The following UBE2E2 variants were observed in gnomAD, a reference collection of about 807,000 sequenced individuals.
The protein encoded by UBE2E2 is ubiquitin conjugating enzyme E2 E2.
UBE2E2 carries 6 observed loss-of-function variants against 24.7 expected under a neutral mutation model. That is an observed-to-expected ratio of 0.24 (90% CI 0.13 to 0.48). The LOEUF (loss-of-function observed/expected upper bound fraction) is 0.48, where lower values mean the gene tolerates loss of function less well. UBE2E2 is among the 20% of genes least tolerant of loss of function. UBE2E2 has a pLI of 0.99. For missense variants in UBE2E2, 169 were observed against 245.0 expected (o/e 0.69, Z 2.07); for synonymous variants, 104 against 83.6 (o/e 1.24, Z -1.33).
chr3:23,269,019 G>C (rs1234529561), intron 3 of UBE2E2, among the ~76,000 whole-genome samples: 1 of 151,770 alleles, frequency 6.6e-6, no homozygotes, highest in East Asian at 1.9e-4. Context: ...GCTGAAACTG[G>C]ATCCCTTCCT....
chr3:23,347,391 A>T (rs140198067), intron 3 of UBE2E2, among the ~76,000 whole-genome samples: 41,694 of 152,072 alleles, frequency 0.27, 5,866 homozygotes, highest in East Asian at 0.35. Context: ...GGATGAGTTC[A>T]TGTCCTTTGC....
intron 3 of UBE2E2, among the ~76,000 whole-genome samples, chr3:23,362,021 C>T (rs187509498): frequency 1.3e-5 from 2 of 152,056 alleles, no homozygotes; most frequent in Admixed American, 6.5e-5. Context: ...CATAAAAAAG[C>T]TCCTTAAAAC....
In UBE2E2 at chr3:23,203,460, C is replaced by G. The variant is rs1299691387; in HGVS notation, c.-13C>G. The G allele has an allele frequency of 1.0e-6, 1 of 982,656 alleles. No homozygotes were observed. The highest frequency in any genetic ancestry group is 1.2e-6 in the Non-Finnish European group (1 of 829,066). 60.9% of individuals were successfully genotyped at this position (982,656 alleles called of 1,614,324 possible). ...CTGCGACCTGCACGGACACCCCCCCCTCAGGTATTCGCTCGGGCCGCGCCG... is the reference window on the plus strand; with the variant it reads ...CTGCGACCTGCACGGACACCCCCCCGTCAGGTATTCGCTCGGGCCGCGCCG... On this transcript the variant is annotated 5_prime_UTR_variant, in exon 1 of 6. Coordinates refer to ENST00000396703, the MANE Select transcript of UBE2E2 (RefSeq NM_152653.4).
rs961482853 is a variant in UBE2E2, at chr3:23,218,481, G to A, written c.227+1169G>A. Among the ~76,000 whole-genome samples the A allele has an allele frequency of 5.9e-5, 9 of 151,952 alleles. No individual in the cohort carries two copies. The East Asian group carries it at 1.7e-3, about 29-fold the overall frequency. On this transcript the variant is annotated intron_variant, in intron 3 of 5. Coordinates refer to ENST00000396703, the MANE Select transcript of UBE2E2 (RefSeq NM_152653.4). ...ATGATTATAAGTGGATGGATTTGTG[G>A]AAAAACCCCAGTTTGAATTAAACCT... is the stretch of plus-strand genomic sequence containing the variant.
intron 3 of UBE2E2, among the ~76,000 whole-genome samples, chr3:23,371,644 C>A (rs928673066): frequency 1.3e-5 from 2 of 151,946 alleles, no homozygotes; most frequent in African/African-American, 4.8e-5. Context: ...ACTAAGCCAG[C>A]AATTTTCAAA....
intron 3 of UBE2E2, among the ~76,000 whole-genome samples, chr3:23,267,365 A>T (rs1698078405): frequency 6.6e-6 from 1 of 152,220 alleles, no homozygotes; most frequent in Non-Finnish European, 1.5e-5. Context: ...AAAAATGATA[A>T]AGGGGATGTC....
chr3:23,254,054 G>T (rs542279577), intron 3 of UBE2E2, among the ~76,000 whole-genome samples: 1 of 152,292 alleles, frequency 6.6e-6, no homozygotes, highest in Non-Finnish European at 1.5e-5. Context: ...AAAGAAATGT[G>T]CTATTGACAT....
At chr3:23,488,814 A>G (rs1378390889) in intron 3 of UBE2E2, among the ~76,000 whole-genome samples, 1 of 152,158 alleles carries the variant, frequency 6.6e-6, no homozygotes, top group Non-Finnish European at 1.5e-5. Flanking sequence ...AATTTAAGAA[A>G]TATTCTTTGC....
intron 3 of UBE2E2, among the ~76,000 whole-genome samples, chr3:23,444,064 TG>T (rs1319640938): frequency 2.3e-4 from 33 of 145,218 alleles, no homozygotes; most frequent in African/African-American, 7.4e-4. Context: ...TCACCAGTTT[TG>T]TTTTTTTTTT....
intron 5 of UBE2E2, among the ~76,000 whole-genome samples, chr3:23,585,124 G>A (rs895927216): frequency 3.3e-5 from 5 of 151,952 alleles, no homozygotes; most frequent in Non-Finnish European, 5.9e-5. Context: ...TCCTGTAATC[G>A]CACCACTTTT....
At chr3:23,290,427 A>G (rs76639276) in intron 3 of UBE2E2, among the ~76,000 whole-genome samples, 2,167 of 152,276 alleles carry the variant, frequency 0.014, 52 homozygotes, top group African/African-American at 0.05. Context: ...GATGGGGCCT[A>G]AGATTCTAAC....
At chr3:23,454,010 C>CCT (rs1698622406) in intron 3 of UBE2E2, among the ~76,000 whole-genome samples, 2 of 152,132 alleles carry the variant, frequency 1.3e-5, no homozygotes, top group African/African-American at 4.8e-5. Flanking sequence ...AGGCAGCATT[C>CCT]TGAGATATTT....
At chr3:23,352,202 C>T (rs1321856046) in intron 3 of UBE2E2, among the ~76,000 whole-genome samples, 1 of 151,848 alleles carries the variant, frequency 6.6e-6, no homozygotes, top group African/African-American at 2.4e-5. Context: ...AAAGACACAA[C>T]ATACCAGAAT....
chr3:23,540,905 T>C (rs1383435030), intron 5 of UBE2E2, among the ~76,000 whole-genome samples: 1 of 152,182 alleles, frequency 6.6e-6, no homozygotes, highest in Non-Finnish European at 1.5e-5. Flanking sequence ...AGTTTAAATG[T>C]GAAATCAGGC....
In UBE2E2 at chr3:23,213,319, G is replaced by A. The variant is rs576784270; in HGVS notation, c.177-3943G>A. On this transcript the variant is annotated intron_variant, in intron 2 of 5. Transcript: ENST00000396703. ...CCAATATATTGATGTTAAAATGAGT[G>A]TTTCGTATCTTCTCTGTTCTGTATA... Among the ~76,000 whole-genome samples, 5 of 152,038 alleles carry A rather than the reference G, an allele frequency of 3.3e-5. No homozygotes were observed. In the East Asian group the frequency reaches 9.7e-4, roughly 29 times the overall value.
At chr3:23,221,172 A>G in intron 3 of UBE2E2, among the ~76,000 whole-genome samples, 1 of 152,184 alleles carries the variant, frequency 6.6e-6, no homozygotes, top group Middle Eastern at 3.2e-3. Context: ...TGAACAAGTA[A>G]AAGGAGGAAG....
At chr3:23,258,665 G>C (rs1351444640) in intron 3 of UBE2E2, among the ~76,000 whole-genome samples, 1 of 151,942 alleles carries the variant, frequency 6.6e-6, no homozygotes, top group Non-Finnish European at 1.5e-5. Flanking sequence ...AGGCCGAGGC[G>C]GGCAGATCAC....
intron 5 of UBE2E2, among the ~76,000 whole-genome samples, chr3:23,571,108 T>A (rs1696209378): frequency 6.6e-6 from 1 of 151,810 alleles, no homozygotes; most frequent in Non-Finnish European, 1.5e-5. Flanking sequence ...GTAAACTGAT[T>A]AAGAAGTGAT....
At chr3:23,331,783 C>G (rs1695066005) in intron 3 of UBE2E2, among the ~76,000 whole-genome samples, 1 of 152,026 alleles carries the variant, frequency 6.6e-6, no homozygotes, top group Non-Finnish European at 1.5e-5. Context: ...ATGGTAAAGA[C>G]TTTGGTTTAT....
Sources: allele counts gnomAD v4.1 joint callset (sites outside exome capture counted in the v4.1 genomes callset), GRCh38; gene constraint gnomAD v4.1.1; transcripts MANE v1.5; gene names NCBI Gene and HGNC (gene_info 2026-07-23, HGNC 2026-07-21).